The following MITF variants were observed in gnomAD, a reference collection of about 807,000 sequenced individuals.
The protein encoded by MITF is melanocyte inducing transcription factor.
A neutral mutation model predicts 60.5 loss-of-function variants in MITF; 17 were observed. The observed-to-expected ratio is 0.28, with a 90% CI of 0.19 to 0.42. MITF has a LOEUF of 0.42. Among genes scored for constraint, MITF ranks in the 10% least tolerant of loss-of-function variants. The pLI, the probability that MITF is intolerant of heterozygous loss-of-function variation, is 1.00. For missense variants in MITF, 622 were observed against 683.5 expected, an observed-to-expected ratio of 0.91 and a Z score of 1.00; for synonymous variants, 260 against 248.5, an observed-to-expected ratio of 1.05 and a Z score of -0.43.
chr3:69,915,197 T>C (rs2065307503), intron 2 of MITF, among the ~76,000 whole-genome samples: 1 of 152,190 alleles, frequency 6.6e-6, no homozygotes, highest in African/African-American at 2.4e-5. Flanking sequence ...AGATACTACC[T>C]GTCTCCACAT....
intron 2 of MITF, among the ~76,000 whole-genome samples, chr3:69,921,682 T>C (rs2065471293): frequency 6.6e-6 from 1 of 152,156 alleles, no homozygotes; most frequent in African/African-American, 2.4e-5. Context: ...ACTGTGAATA[T>C]CAGATATAAG....
At chr3:69,948,022 G>T (rs974120328) in intron 5 of MITF, among the ~76,000 whole-genome samples, 7 of 152,114 alleles carry the variant, frequency 4.6e-5, no homozygotes, top group Non-Finnish European at 7.4e-5. Context: ...CTTTCTGAAT[G>T]TACTTTTCTC....
rs376704147 is a variant in MITF at position 69,941,233 on chromosome 3, C to T, written c.667-3C>T. ...CTCTCTTCTCTTACCCTTTTTCCTA[C>T]AGATGGATGATGTAATCGATGACAT... On this transcript the variant is annotated splice_region_variant and splice_polypyrimidine_tract_variant and intron_variant, in intron 4 of 9. Coordinates refer to ENST00000352241, the MANE Select transcript of MITF (RefSeq NM_001354604.2). The T allele has an allele frequency of 3.8e-5, 61 of 1,596,408 alleles. No homozygotes were observed. The African/African-American group carries it at 7.5e-4, about 20-fold the overall frequency.
intron 2 of MITF, among the ~76,000 whole-genome samples, chr3:69,907,515 G>A (rs924944379): frequency 6.6e-6 from 1 of 152,162 alleles, no homozygotes; most frequent in African/African-American, 2.4e-5. Context: ...GGACAACTTT[G>A]AGATCATGTA....
At chr3:69,901,052 T>A (rs2064985326) in intron 2 of MITF, among the ~76,000 whole-genome samples, 1 of 151,782 alleles carries the variant, frequency 6.6e-6, no homozygotes, top group Admixed American at 6.6e-5. Context: ...ATGTGTTAAG[T>A]GAATTGAGCA....
chr3:69,748,951 A>G (rs1382479424), intron 1 of MITF, among the ~76,000 whole-genome samples: 1 of 152,250 alleles, frequency 6.6e-6, no homozygotes, highest in African/African-American at 2.4e-5. Context: ...GAAATGACAG[A>G]CAGGAATGCT....
intron 1 of MITF, among the ~76,000 whole-genome samples, chr3:69,855,260 C>CAAA (rs33962275): frequency 1.7e-4 from 14 of 84,596 alleles, no homozygotes; most frequent in Non-Finnish European, 2.6e-4. Flanking sequence ...TTCCCATAAG[C>CAAA]AAAAAAAAAA....
At chr3:69,952,043 A>G (rs878889086) in intron 7 of MITF, among the ~76,000 whole-genome samples, 157 bp downstream of exon 7, 2 of 152,256 alleles carry the variant, frequency 1.3e-5, no homozygotes, top group South Asian at 2.1e-4. Context: ...CAAGGTATAT[A>G]TTTTCCCCAT....
intron 2 of MITF, among the ~76,000 whole-genome samples, chr3:69,912,825 C>T (rs1353309765): frequency 6.6e-6 from 1 of 152,134 alleles, no homozygotes; most frequent in Non-Finnish European, 1.5e-5. Flanking sequence ...GGCCAACTAT[C>T]CTCTACCTCA....
chr3:69,891,495 T>C (rs150712492), intron 2 of MITF, among the ~76,000 whole-genome samples: 117 of 152,334 alleles, frequency 7.7e-4, no homozygotes, highest in Non-Finnish European at 1.3e-3. Context: ...TCCCTGTGCC[T>C]ATCCCAGGCC....
At position 69,802,686 on chromosome 3, in the gene MITF, T is replaced by C. The variant is rs1377907722; in HGVS notation, c.104+62985T>C. The stretch of plus-strand genomic sequence containing the variant: ...GTGCTAGTCCACAGTCCATATTCTT[T>C]TTTTTTTTTTTTTTTTTTTTTTTAG... On this transcript the variant is annotated intron_variant, in intron 1 of 9. Coordinates refer to ENST00000352241, the MANE Select transcript of MITF (RefSeq NM_001354604.2). 3.0e-3 allele frequency among the ~76,000 whole-genome samples: 306 copies of C among 101,664 alleles called. 3 individuals carry two copies. The highest frequency in any genetic ancestry group is 0.011 in the African/African-American group (279 of 25,504). The allele number at this position is 101,664 out of a possible 152,430, so 66.7% of individuals were successfully genotyped here.
chr3:69,967,523 G>A lies in MITF; in HGVS notation c.*2275G>A, dbSNP rs550114890. The A allele has an allele frequency of 4.3e-5, 10 of 233,586 alleles. No homozygotes were observed. The East Asian group carries it at 6.0e-4, about 14-fold the overall frequency. The allele number at this position is 233,586 out of a possible 1,614,324, so 14.5% of individuals were successfully genotyped here. On this transcript the variant is annotated 3_prime_UTR_variant, in exon 10 of 10. Coordinates refer to ENST00000352241, the MANE Select transcript of MITF (RefSeq NM_001354604.2). ...TGACTAACCTACGGCCACGGGAACA[G>A]GACCATGGTTAAGCAACCATATAGA...
chr3:69,787,291 A>G (rs2062666539), intron 1 of MITF, among the ~76,000 whole-genome samples: 1 of 152,220 alleles, frequency 6.6e-6, no homozygotes, highest in East Asian at 1.9e-4. Context: ...TGAAACCTAG[A>G]GGAAAATCAG....
intron 2 of MITF, among the ~76,000 whole-genome samples, chr3:69,898,744 G>C (rs2064933249): frequency 6.6e-6 from 1 of 152,140 alleles, no homozygotes; most frequent in African/African-American, 2.4e-5. Flanking sequence ...CTATTGGGTT[G>C]GTCTTTTGTG....
At chr3:69,760,826 AG>A (rs2062201154) in intron 1 of MITF, among the ~76,000 whole-genome samples, 2 of 152,204 alleles carry the variant, frequency 1.3e-5, no homozygotes, top group African/African-American at 4.8e-5. Context: ...TAGAGGATAA[AG>A]GTGATGATTT....
intron 2 of MITF, among the ~76,000 whole-genome samples, chr3:69,885,102 A>C (rs371369707): frequency 3.3e-5 from 5 of 152,186 alleles, no homozygotes; most frequent in South Asian, 2.1e-4. Flanking sequence ...GTTTGATTTC[A>C]TCAGGTTGTG....
Position 69,966,933 on chromosome 3 carries a change from G to A in MITF, c.*1685G>A, listed in dbSNP as rs2066703334. On this transcript the variant is annotated 3_prime_UTR_variant, in exon 10 of 10. Coordinates refer to ENST00000352241, the MANE Select transcript of MITF (RefSeq NM_001354604.2). ...TATCTATAGTCAAGACGAACATGTAGCATGGTGCCTATGTAGACAATATAA... is the reference window on the plus strand; with the variant it reads ...TATCTATAGTCAAGACGAACATGTAACATGGTGCCTATGTAGACAATATAA... The A allele has an allele frequency of 4.3e-6, 1 of 232,744 alleles. No individual in the cohort carries two copies. Among genetic ancestry groups the A allele is most frequent in the Non-Finnish European group, 8.5e-6 (1 of 117,464 alleles). 14.4% of individuals were successfully genotyped at this position (232,744 alleles called of 1,614,324 possible).
chr3:69,965,306 A>C lies in MITF; in HGVS notation c.*58A>C. On this transcript the variant is annotated 3_prime_UTR_variant, in exon 10 of 10. Coordinates refer to ENST00000352241, the MANE Select transcript of MITF (RefSeq NM_001354604.2). The stretch of plus-strand genomic sequence containing the variant: ...GCTTCCTTTCTTGATTCGTAGATTT[A>C]ATAACTTACCTGAAGGGGTTTTCTT... 6.3e-7 allele frequency: 1 copy of C among 1,585,266 alleles called. No individual in the cohort carries two copies.
chr3:69,955,789 G>T (rs1343996083), intron 7 of MITF, among the ~76,000 whole-genome samples: 3 of 152,040 alleles, frequency 2.0e-5, no homozygotes, highest in African/African-American at 4.8e-5. Context: ...ACTCCAGCCT[G>T]GGTGACAGAG....
Sources: gnomAD v4.1 joint callset for allele counts (sites outside exome capture counted in the v4.1 genomes callset) on GRCh38, gnomAD v4.1.1 for gene constraint, MANE v1.5 for transcripts, NCBI Gene and HGNC (gene_info 2026-07-23, HGNC 2026-07-21) for gene names.